GRM7: variants seen among roughly 807,000 people sequenced by gnomAD.
GRM7 encodes glutamate metabotropic receptor 7, also known as metabotropic glutamate receptor 7.
A neutral mutation model predicts 84.5 loss-of-function variants in GRM7; 35 were observed. The observed-to-expected ratio is 0.41, with a 90% CI of 0.32 to 0.55. The LOEUF (loss-of-function observed/expected upper bound fraction) is 0.55, where lower values mean the gene tolerates loss of function less well. Ranked by LOEUF, GRM7 falls within the 20% of genes least tolerant of loss-of-function variation. GRM7 has a pLI of 0.19. For synonymous variants in GRM7, 487 were observed against 455.1 expected, an observed-to-expected ratio of 1.07 and a Z score of -0.89; for missense variants, 1,003 against 1,194.6, an observed-to-expected ratio of 0.84 and a Z score of 2.36.
rs1286758728 is a variant in GRM7 at position 7,152,548 on chromosome 3, C to G, written c.736+5880C>G. Among the ~76,000 whole-genome samples, 3 of 152,210 alleles carry G rather than the reference C, an allele frequency of 2.0e-5. No homozygotes were observed. The East Asian group carries it at 5.8e-4, about 29-fold the overall frequency. ...CCCCATACATATACTCTTTACCCCACTTATTCAACCTTCTGTGGATTTGCG... is the reference window on the plus strand; with the variant it reads ...CCCCATACATATACTCTTTACCCCAGTTATTCAACCTTCTGTGGATTTGCG... On this transcript the variant is annotated intron_variant, in intron 2 of 9. Coordinates refer to ENST00000357716, the MANE Select transcript of GRM7 (RefSeq NM_000844.4).
intron 1 of GRM7, among the ~76,000 whole-genome samples, chr3:7,136,918 C>T (rs1693791967): frequency 6.6e-6 from 1 of 152,022 alleles, no homozygotes; most frequent in African/African-American, 2.4e-5. Context: ...GCACTTGTTA[C>T]CAAAGAAAAC....
chr3:7,089,410 A>C (rs1698584511), intron 1 of GRM7, among the ~76,000 whole-genome samples: 1 of 152,142 alleles, frequency 6.6e-6, no homozygotes, highest in Non-Finnish European at 1.5e-5. Flanking sequence ...TAATTCTCCA[A>C]ACATACTGTA....
At chr3:7,054,928 G>A (rs1223299606) in intron 1 of GRM7, among the ~76,000 whole-genome samples, 3 of 151,974 alleles carry the variant, frequency 2.0e-5, no homozygotes, top group African/African-American at 7.2e-5. Context: ...TCTCCAGGCA[G>A]TGGCAGTGAG....
intron 2 of GRM7, among the ~76,000 whole-genome samples, chr3:7,171,724 TG>T (rs1183111691): frequency 2.0e-5 from 3 of 152,162 alleles, no homozygotes; most frequent in Non-Finnish European, 4.4e-5. Context: ...CTTTGTCACG[TG>T]GGCCATGAGA....
intron 2 of GRM7, among the ~76,000 whole-genome samples, chr3:7,225,883 A>G (rs1696967274): frequency 6.6e-6 from 1 of 152,120 alleles, no homozygotes; most frequent in South Asian, 2.1e-4. Context: ...ACTTATAATG[A>G]CTTTTGATCT....
At position 7,379,666 on chromosome 3, in the gene GRM7, G is replaced by A. The variant is rs1473083596; in HGVS notation, c.1034-35357G>A. On this transcript the variant is annotated intron_variant, in intron 4 of 9. Coordinates refer to ENST00000357716, the MANE Select transcript of GRM7 (RefSeq NM_000844.4). Reference sequence around the variant, plus strand: ...TTTTATAAATCTATAAAGAATGCAAGTATGTTAATTTTCAGGGGAAAAAAT... The same window carrying A: ...TTTTATAAATCTATAAAGAATGCAAATATGTTAATTTTCAGGGGAAAAAAT... 2.0e-5 allele frequency among the ~76,000 whole-genome samples: 3 copies of A among 152,078 alleles called. No homozygotes were observed. The East Asian group carries it at 5.8e-4, about 29-fold the overall frequency.
intron 1 of GRM7, among the ~76,000 whole-genome samples, chr3:6,917,652 C>A (rs568578394): frequency 2.0e-5 from 3 of 151,906 alleles, no homozygotes; most frequent in East Asian, 3.9e-4. Context: ...TTGAAAGTTC[C>A]CAAAGACAAT....
intron 2 of GRM7, among the ~76,000 whole-genome samples, chr3:7,166,530 G>T (rs1574981472): frequency 6.6e-6 from 1 of 152,130 alleles, no homozygotes; most frequent in Admixed American, 6.5e-5. Flanking sequence ...CCCCAACTGG[G>T]AGATTATTTT....
intron 1 of GRM7, among the ~76,000 whole-genome samples, chr3:7,101,316 T>C (rs1157392132): frequency 1.3e-5 from 2 of 151,720 alleles, no homozygotes; most frequent in South Asian, 4.1e-4. Context: ...TGGATATTTA[T>C]ATCTCATTTG....
chr3:7,326,293 A>G (rs1009302103), intron 4 of GRM7, among the ~76,000 whole-genome samples: 7 of 151,662 alleles, frequency 4.6e-5, no homozygotes, highest in African/African-American at 1.7e-4. Context: ...TCACTTCTTC[A>G]GTGTTGGGCT....
At chr3:6,974,192 C>G (rs1693890575) in intron 1 of GRM7, among the ~76,000 whole-genome samples, 1 of 152,078 alleles carries the variant, frequency 6.6e-6, no homozygotes, top group African/African-American at 2.4e-5. Flanking sequence ...GAGAGAAAGC[C>G]ACTGGCATAT....
intron 2 of GRM7, among the ~76,000 whole-genome samples, chr3:7,168,059 C>T (rs1694863444): frequency 6.9e-6 from 1 of 145,234 alleles, no homozygotes; most frequent in African/African-American, 2.5e-5. Context: ...GAGACTCACT[C>T]TTTCATGAGC....
chr3:6,875,222 A>G (rs1443274537), intron 1 of GRM7, among the ~76,000 whole-genome samples: 1 of 147,450 alleles, frequency 6.8e-6, no homozygotes, highest in Non-Finnish European at 1.5e-5. Flanking sequence ...TTGGTTCTGC[A>G]CTTTTTTTTT....
At chr3:6,984,218 T>C (rs1408373153) in intron 1 of GRM7, among the ~76,000 whole-genome samples, 1 of 152,212 alleles carries the variant, frequency 6.6e-6, no homozygotes, top group Non-Finnish European at 1.5e-5. Flanking sequence ...AACTTGTTAT[T>C]AAGAAGATGA....
intron 8 of GRM7, among the ~76,000 whole-genome samples, chr3:7,679,797 CT>C (rs1700288160): frequency 6.6e-6 from 1 of 152,194 alleles, no homozygotes; most frequent in Non-Finnish European, 1.5e-5. Context: ...AAGGTTTACT[CT>C]GAACTTTAAT....
At chr3:7,262,611 A>T (rs1698474964) in intron 2 of GRM7, among the ~76,000 whole-genome samples, 1 of 152,236 alleles carries the variant, frequency 6.6e-6, no homozygotes, top group African/African-American at 2.4e-5. Context: ...CATGTCAGCC[A>T]TCTAAGCCTG....
intron 7 of GRM7, among the ~76,000 whole-genome samples, chr3:7,512,568 T>C (rs1014966846): frequency 7.2e-6 from 1 of 139,446 alleles, no homozygotes; most frequent in Non-Finnish European, 1.5e-5. Flanking sequence ...AGGGATCTTG[T>C]TTATGTTTTT....
intron 1 of GRM7, among the ~76,000 whole-genome samples, chr3:7,062,676 T>C (rs373373232): frequency 6.6e-6 from 1 of 151,788 alleles, no homozygotes; most frequent in African/African-American, 2.4e-5. Flanking sequence ...TTAGCATATT[T>C]GTCTAACCCT....
At position 7,579,270 on chromosome 3, in the gene GRM7, G is replaced by A. The variant is rs1695123873; in HGVS notation, c.2364G>A (p.Lys788=). ...TACCCGAGAATTTTAACGAAGCCAA[G>A]CCCATTGGATTCACTATGTACACGA... ...RGVPENFNEA[K]PIGFTMYTTC... Residue 788 remains lysine (K), a synonymous_variant, in exon 8 of 10, where the codon AAG becomes AAA. Transcript: ENST00000357716. 6.2e-7 allele frequency: 1 copy of A among 1,613,804 alleles called. No homozygotes were observed. Among genetic ancestry groups the A allele is most frequent in the Non-Finnish European group, 8.5e-7 (1 of 1,179,736 alleles).
Sources: gnomAD v4.1 joint callset for allele counts (sites outside exome capture counted in the v4.1 genomes callset) on GRCh38, gnomAD v4.1.1 for gene constraint, MANE v1.5 for transcripts, NCBI Gene and HGNC (gene_info 2026-07-23, HGNC 2026-07-21) for gene names.